KAZN: variants seen among roughly 807,000 people sequenced by gnomAD.
KAZN encodes the protein kazrin, periplakin interacting protein.
Under a neutral mutation model 87.4 loss-of-function variants are expected in KAZN, and 40 were observed. That is an observed-to-expected ratio of 0.46 (90% CI 0.36 to 0.60). The LOEUF is 0.60. Ranked by LOEUF, KAZN falls within the 20% of genes least tolerant of loss-of-function variation. KAZN has a pLI of 0.00. For synonymous variants in KAZN, 466 were observed against 458.3 expected (o/e 1.02, Z -0.22); for missense variants, 898 against 1,073.9 (o/e 0.84, Z 2.29).
intron 2 of KAZN, among the ~76,000 whole-genome samples, chr1:14,460,600 T>A (rs547601760): frequency 6.6e-6 from 1 of 152,196 alleles, no homozygotes; most frequent in Non-Finnish European, 1.5e-5. Context: ...CCTCTCCTCC[T>A]CTATGACAAT....
intron 1 of KAZN, among the ~76,000 whole-genome samples, chr1:13,951,005 A>T (rs1411883556): frequency 6.6e-6 from 1 of 152,076 alleles, no homozygotes; most frequent in Non-Finnish European, 1.5e-5. Context: ...TTGGGAAATG[A>T]CCCTGCCTGG....
chr1:15,017,865 C>A (rs898338991), intron 2 of KAZN, among the ~76,000 whole-genome samples: 1 of 152,144 alleles, frequency 6.6e-6, no homozygotes, highest in Non-Finnish European at 1.5e-5. Context: ...AAACCATTCT[C>A]ATAAGCCTGC....
chr1:14,966,466 C>T (rs1195666997), intron 2 of KAZN, among the ~76,000 whole-genome samples: 4 of 152,012 alleles, frequency 2.6e-5, no homozygotes, highest in South Asian at 2.1e-4. Flanking sequence ...ATCTGGCGTA[C>T]GCAGTTTTGT....
At position 14,820,331 on chromosome 1, in the gene KAZN, T is replaced by C. The variant is rs1421480984; in HGVS notation, c.227-140353T>C. 1.3e-5 allele frequency among the ~76,000 whole-genome samples: 2 copies of C among 152,218 alleles called. No homozygotes were observed. The highest frequency in any genetic ancestry group is 2.4e-5 in the African/African-American group (1 of 41,468). ...TTTTGAGGGTTACTTAGCCAAGTCA[T>C]TGCCTCTGTTCCCGGAGCCATCTGC... is the stretch of plus-strand genomic sequence containing the variant. On this transcript the variant is annotated intron_variant, in intron 1 of 14. Transcript: ENST00000376030. This position sits in a 1 kb window ranked among gnomAD's most constrained non-coding sequence, Gnocchi z 4.1.
At chr1:14,844,326 C>T (rs1270497317) in intron 1 of KAZN, among the ~76,000 whole-genome samples, 1 of 152,174 alleles carries the variant, frequency 6.6e-6, no homozygotes, top group Non-Finnish European at 1.5e-5. Flanking sequence ...ATAACTAGAC[C>T]TTCTCCTCTA....
At chr1:14,379,393 T>C (rs897789028) in intron 2 of KAZN, among the ~76,000 whole-genome samples, 2 of 152,060 alleles carry the variant, frequency 1.3e-5, no homozygotes, top group Non-Finnish European at 2.9e-5. Context: ...TTTTTCACCT[T>C]AGGTACCTGC....
At chr1:14,961,208 T>A (rs921630014) in intron 2 of KAZN, among the ~76,000 whole-genome samples, 1 of 152,120 alleles carries the variant, frequency 6.6e-6, no homozygotes, top group Non-Finnish European at 1.5e-5. Context: ...ACCCTTGGGG[T>A]CCTTCGGTGC....
intron 1 of KAZN, among the ~76,000 whole-genome samples, chr1:14,106,716 A>C (rs1367744143): frequency 6.6e-6 from 1 of 152,150 alleles, no homozygotes; most frequent in East Asian, 1.9e-4. Context: ...TAAGTAGTAG[A>C]TTAGCCCAAA....
At chr1:15,009,019 C>T (rs114797793) in intron 2 of KAZN, among the ~76,000 whole-genome samples, 2 of 152,280 alleles carry the variant, frequency 1.3e-5, no homozygotes, top group African/African-American at 2.4e-5. Flanking sequence ...AAATAAAGCC[C>T]GTGTGCTGAG....
chr1:14,404,905 C>T lies in KAZN; in HGVS notation c.250-194078C>T, dbSNP rs77967303. 6.1e-3 allele frequency among the ~76,000 whole-genome samples: 928 copies of T among 152,336 alleles called. 6 individuals are homozygous for T. The highest frequency in any genetic ancestry group is 0.021 in the African/African-American group (864 of 41,576). On this transcript the variant is annotated intron_variant, in intron 2 of 16. Transcript: ENST00000636203. ...CTATCTAACACCTGGCATTCTGTCA[C>T]ATCATTGTAAAGATGAGTGTGGAAG...
intron 2 of KAZN, among the ~76,000 whole-genome samples, chr1:14,275,125 T>C (rs530751473): frequency 1.3e-5 from 2 of 152,212 alleles, no homozygotes; most frequent in African/African-American, 2.4e-5. Flanking sequence ...GTTTAATAAA[T>C]AGGACATTAC....
At chr1:14,838,413 G>A (rs1017354348) in intron 1 of KAZN, among the ~76,000 whole-genome samples, 1 of 152,212 alleles carries the variant, frequency 6.6e-6, no homozygotes, top group Non-Finnish European at 1.5e-5. Flanking sequence ...TTGCTGGATT[G>A]TGGGGCATGA....
intron 1 of KAZN, among the ~76,000 whole-genome samples, chr1:13,931,359 G>T (rs765904099): frequency 2.6e-5 from 4 of 152,086 alleles, no homozygotes; most frequent in Non-Finnish European, 5.9e-5. Context: ...TGTTTTAATC[G>T]CTGTGCTTTG....
chr1:14,636,268 A>G (rs369355392), intron 1 of KAZN, among the ~76,000 whole-genome samples: 214 of 152,282 alleles, frequency 1.4e-3, no homozygotes, highest in Non-Finnish European at 2.0e-3. Context: ...GTAAATTACC[A>G]TTCTGCTCTG....
chr1:14,225,746 C>T (rs577539855), intron 2 of KAZN, among the ~76,000 whole-genome samples: 49 of 152,190 alleles, frequency 3.2e-4, no homozygotes, highest in African/African-American at 6.3e-4. Flanking sequence ...CCAATAATAA[C>T]GAGCAATGGG....
At chr1:14,716,839 AATC>A (rs1420313997) in intron 1 of KAZN, among the ~76,000 whole-genome samples, 4 of 152,042 alleles carry the variant, frequency 2.6e-5, no homozygotes, top group Non-Finnish European at 5.9e-5. Flanking sequence ...GGTTTTGTTA[AATC>A]CATTTACCAG....
Position 15,099,001 on chromosome 1 carries a change from G to A in KAZN, c.1548-2542G>A, listed in dbSNP as rs1280033724. Among the ~76,000 whole-genome samples the A allele has an allele frequency of 6.6e-6, 1 of 152,220 alleles. No individual in the cohort carries two copies. Among genetic ancestry groups the A allele is most frequent in the Non-Finnish European group, 1.5e-5 (1 of 68,038 alleles). On this transcript the variant is annotated intron_variant, in intron 10 of 14. Coordinates refer to ENST00000376030, the MANE Select transcript of KAZN (RefSeq NM_201628.3). This position sits in a 1 kb window ranked among gnomAD's most constrained non-coding sequence, Gnocchi z 5.4. ...ACAATGTGACTGGTGCAGAGATGGG[G>A]ACTTCCAGGGGCTTTGGACACAGAG...
chr1:14,676,528 T>C (rs1439524644), intron 1 of KAZN, among the ~76,000 whole-genome samples: 1 of 152,050 alleles, frequency 6.6e-6, no homozygotes, highest in Non-Finnish European at 1.5e-5. Context: ...GAATGGGAGC[T>C]AAAAAGTGGA....
intron 2 of KAZN, among the ~76,000 whole-genome samples, chr1:14,385,800 G>A (rs1661826601): frequency 6.7e-6 from 1 of 149,764 alleles, no homozygotes; most frequent in Non-Finnish European, 1.5e-5. Flanking sequence ...TTGATTTGGG[G>A]TGGAGAGTTC....
Sources: allele counts gnomAD v4.1 joint callset (sites outside exome capture counted in the v4.1 genomes callset), GRCh38; gene constraint gnomAD v4.1.1; non-coding constraint Gnocchi (gnomAD v3.1); transcripts MANE v1.5; gene names NCBI Gene and HGNC (gene_info 2026-07-23, HGNC 2026-07-21).